The following OPCML variants were observed in gnomAD, a reference collection of about 807,000 sequenced individuals.
OPCML encodes the protein opioid-binding protein/cell adhesion molecule.
In OPCML, 13 loss-of-function variants were observed where a neutral mutation model predicts 37.8. The observed-to-expected ratio is 0.34, with a 90% CI of 0.22 to 0.55. The LOEUF is 0.55. OPCML is among the 20% of genes least tolerant of loss of function. The pLI, the probability that OPCML is intolerant of heterozygous loss-of-function variation, is 0.91. For synonymous variants in OPCML, 176 were observed against 168.8 expected (o/e 1.04, Z -0.33); for missense variants, 341 against 435.6 (o/e 0.78, Z 1.93).
intron 1 of OPCML, among the ~76,000 whole-genome samples, chr11:133,456,562 T>A (rs1288747651): frequency 6.6e-6 from 1 of 151,756 alleles, no homozygotes; most frequent in Admixed American, 6.6e-5. Context: ...TTTCCAGAAA[T>A]CATCCCTGAA....
intron 1 of OPCML, among the ~76,000 whole-genome samples, chr11:133,194,630 C>A (rs976411269): frequency 6.6e-6 from 1 of 152,220 alleles, no homozygotes; most frequent in Non-Finnish European, 1.5e-5. Flanking sequence ...CCCTTTCCAT[C>A]TCCGATACGT....
chr11:133,286,246 C>T (rs1030427856), intron 1 of OPCML, among the ~76,000 whole-genome samples: 7 of 151,866 alleles, frequency 4.6e-5, no homozygotes, highest in Non-Finnish European at 8.8e-5. Context: ...GTCAGGAGAT[C>T]GCAACCATCC....
chr11:133,346,956 C>T (rs1183479138), intron 1 of OPCML, among the ~76,000 whole-genome samples: 1 of 152,156 alleles, frequency 6.6e-6, no homozygotes, highest in Non-Finnish European at 1.5e-5. Flanking sequence ...ACTTTCCTGA[C>T]TCCCAATAGC....
At chr11:133,183,339 C>T (rs1410475748) in intron 1 of OPCML, among the ~76,000 whole-genome samples, 1 of 152,180 alleles carries the variant, frequency 6.6e-6, no homozygotes, top group Admixed American at 6.5e-5. Context: ...TCTCACTCTG[C>T]AAAGTTACAT....
At chr11:133,095,559 T>G (rs1165405915) in intron 1 of OPCML, among the ~76,000 whole-genome samples, 2 of 147,546 alleles carry the variant, frequency 1.4e-5, no homozygotes, top group Non-Finnish European at 3.0e-5. Flanking sequence ...CTATTTTAAA[T>G]CTTACCTATT....
chr11:132,853,591 T>C (rs1340259611), intron 2 of OPCML, among the ~76,000 whole-genome samples: 1 of 152,172 alleles, frequency 6.6e-6, no homozygotes, highest in African/African-American at 2.4e-5. Flanking sequence ...AAAAAATCTC[T>C]TGCCTATTTA....
At chr11:132,915,841 A>G (rs994503479) in intron 2 of OPCML, among the ~76,000 whole-genome samples, 1 of 151,966 alleles carries the variant, frequency 6.6e-6, no homozygotes, top group Admixed American at 6.6e-5. Flanking sequence ...GTGATATGTG[A>G]CTGTTCTTTA....
chr11:133,387,065 C>T (rs986076578), intron 1 of OPCML, among the ~76,000 whole-genome samples: 1 of 152,208 alleles, frequency 6.6e-6, no homozygotes, highest in Non-Finnish European at 1.5e-5. Context: ...TCAGCCTGGG[C>T]TCTCTGTATC....
At position 132,943,363 on chromosome 11, in the gene OPCML, C is replaced by G. The variant is rs1945650872; in HGVS notation, c.62-353G>C. ...GACGCTCCCCTGGGGAGGAGGGAGG[C>G]GGCCAGGAGGGGAGAGGAAGAAGCA... On this transcript the variant is annotated intron_variant, in intron 1 of 7. Coordinates refer to ENST00000524381, the MANE Select transcript of OPCML (RefSeq NM_001012393.5). The surrounding 1 kb of genome is among the most constrained non-coding windows in gnomAD (Gnocchi z 4.3). 3.9e-6 allele frequency: 2 copies of G among 512,042 alleles called. No individual in the cohort carries two copies. Among genetic ancestry groups the G allele is most frequent in the Non-Finnish European group, 3.5e-6 (1 of 286,850 alleles). 31.7% of individuals were successfully genotyped at this position (512,042 alleles called of 1,614,324 possible).
intron 2 of OPCML, among the ~76,000 whole-genome samples, chr11:132,886,617 G>A (rs989363090): frequency 3.9e-5 from 6 of 152,194 alleles, no homozygotes; most frequent in Non-Finnish European, 7.3e-5. Context: ...CCCAGCCTGA[G>A]TCAGGCAGAG....
At chr11:133,421,878 C>G (rs1362050104) in intron 1 of OPCML, 2 of 601,440 alleles carry the variant, frequency 3.3e-6, no homozygotes, top group Non-Finnish European at 4.2e-6. Flanking sequence ...CCCACAGAAA[C>G]AGTGAGAAAC....
intron 4 of OPCML, among the ~76,000 whole-genome samples, chr11:132,454,078 C>T (rs2096075239): frequency 6.6e-6 from 1 of 152,238 alleles, no homozygotes; most frequent in African/African-American, 2.4e-5. Context: ...GTGCACAACA[C>T]ATGCTAGGTT....
Position 132,472,105 on chromosome 11 carries a change from C to G in OPCML, c.506-34746G>C, listed in dbSNP as rs373408171. ...GGTGCTTCTTCAGTCGTCTTCCTGA[C>G]AAATATGTAATAACCAACATACATA... On this transcript the variant is annotated intron_variant, in intron 4 of 7. Transcript: ENST00000524381. 7.2e-5 allele frequency among the ~76,000 whole-genome samples: 11 copies of G among 152,290 alleles called. 1 individual carries two copies. Among genetic ancestry groups the G allele is most frequent in the African/African-American group, 2.6e-4 (11 of 41,568 alleles).
chr11:132,857,945 G>C (rs577442698), intron 2 of OPCML, among the ~76,000 whole-genome samples: 1 of 152,110 alleles, frequency 6.6e-6, no homozygotes, highest in African/African-American at 2.4e-5. Flanking sequence ...TGGGGAGACA[G>C]GTGTGGGTGA....
chr11:133,434,030 TTAAATA>T (rs1946181406), intron 1 of OPCML, among the ~76,000 whole-genome samples: 1 of 152,234 alleles, frequency 6.6e-6, no homozygotes, highest in Non-Finnish European at 1.5e-5. Flanking sequence ...TTAAAATACT[TTAAATA>T]TATTTTTCAT....
At chr11:132,758,227 T>C (rs146644334) in intron 2 of OPCML, among the ~76,000 whole-genome samples, 1,605 of 152,306 alleles carry the variant, frequency 0.011, 13 homozygotes, top group Middle Eastern at 0.031. Context: ...TAGTTTGAAG[T>C]CAGGTAACGT....
intron 3 of OPCML, among the ~76,000 whole-genome samples, chr11:132,549,705 G>A (rs1350154016): frequency 6.6e-6 from 1 of 152,192 alleles, no homozygotes; most frequent in African/African-American, 2.4e-5. Context: ...TCAGCCAAGT[G>A]TACTGTAAGA....
At chr11:133,228,178 C>T (rs1235244472) in intron 1 of OPCML, among the ~76,000 whole-genome samples, 1 of 152,126 alleles carries the variant, frequency 6.6e-6, no homozygotes, top group Non-Finnish European at 1.5e-5. Flanking sequence ...GTGGCTGCTG[C>T]CGTGACACTG....
intron 1 of OPCML, among the ~76,000 whole-genome samples, chr11:133,107,460 T>C (rs1949177283): frequency 2.0e-5 from 3 of 152,202 alleles, no homozygotes. Flanking sequence ...TGATACAAGC[T>C]GTAAGAAGAA....
Sources: allele counts gnomAD v4.1 joint callset (sites outside exome capture counted in the v4.1 genomes callset), GRCh38; gene constraint gnomAD v4.1.1; non-coding constraint Gnocchi (gnomAD v3.1); transcripts MANE v1.5; gene names NCBI Gene and HGNC (gene_info 2026-07-23, HGNC 2026-07-21).